The following RIPPLY2 variants were observed in gnomAD, a reference collection of about 807,000 sequenced individuals.
RIPPLY2 encodes the protein ripply transcriptional repressor 2, also known as protein ripply2.
A neutral mutation model predicts 17.7 loss-of-function variants in RIPPLY2; 20 were observed. The ratio of observed to expected loss-of-function variants is 1.13; its 90% confidence interval spans 0.79 to 1.64. The LOEUF is 1.64. RIPPLY2 is among the 40% of genes most tolerant of loss of function. The pLI is 0.00. For missense variants in RIPPLY2, 213 were observed against 169.8 expected (o/e 1.25, Z -1.41); for synonymous variants, 69 against 63.9 (o/e 1.08, Z -0.38).
chr6:83,854,329 G>A, intron 3 of RIPPLY2, 168 bp downstream of exon 3: 1 of 633,566 alleles, frequency 1.6e-6, no homozygotes, highest in Non-Finnish European at 2.8e-6. Flanking sequence ...AAAAAGGTAG[G>A]GGCTCACGGT....
upstream of RIPPLY2, chr6:83,853,258 T>C: frequency 1.6e-6 from 1 of 608,494 alleles, no homozygotes; most frequent in Non-Finnish European, 2.8e-6. Flanking sequence ...CGCAGCCTTT[T>C]TGTTTATGCG....
At chr6:83,855,593 C>G (rs527433471) in intron 3 of RIPPLY2, 1 of 152,206 alleles carries the variant, frequency 6.6e-6, no homozygotes, top group Non-Finnish European at 1.5e-5. Flanking sequence ...GATCATGAGT[C>G]AAGTTTTCCA....
chr6:83,857,269 T>C lies in RIPPLY2; in HGVS notation c.267T>C (p.Tyr89=), dbSNP rs1436881892. The C allele has an allele frequency of 3.9e-6, 6 of 1,523,666 alleles. No homozygotes were observed. The highest frequency in any genetic ancestry group is 5.3e-6 in the Non-Finnish European group (6 of 1,138,714). 94.4% of individuals were successfully genotyped at this position (1,523,666 alleles called of 1,614,324 possible). ...VRLFWPKSKC[Y]DYLYQEAEAL... ...TATTTTGGCCAAAATCAAAATGTTA[T>C]GATTACTTATATCAAGAAGCAGAAG... is the stretch of plus-strand genomic sequence containing the variant. The change falls in exon 4 of 4, where the codon TAT becomes TAC. Residue 89 remains tyrosine, a synonymous_variant. Coordinates refer to ENST00000369689, the MANE Select transcript of RIPPLY2 (RefSeq NM_001009994.3).
chr6:83,853,461 G>A lies in RIPPLY2; in HGVS notation c.45G>A (p.Ala15=), dbSNP rs1226869213. 1.7e-5 allele frequency: 26 copies of A among 1,542,188 alleles called. No homozygotes were observed. Among genetic ancestry groups the A allele is most frequent in the Non-Finnish European group, 2.2e-5 (25 of 1,146,074 alleles). ...GGAEGTESGA[A]ACAATDGPTR... ...CAGAGGGTACAGAGAGTGGAGCTGC[G>A]GCGTGCGCGGCCACCGACGGCCCTA... is the stretch of plus-strand genomic sequence containing the variant. The change falls in exon 1 of 4, where the codon GCG becomes GCA. Residue 15 remains alanine (A), a synonymous_variant. Transcript: ENST00000369689.
Position 83,857,238 on chromosome 6 carries a change from T to C in RIPPLY2, c.240-4T>C. ...AAATAAAACATGTTGTCTGCTTCTTTCAGACTATTTTGGCCAAAATCAAAA... is the reference window on the plus strand; with the variant it reads ...AAATAAAACATGTTGTCTGCTTCTTCCAGACTATTTTGGCCAAAATCAAAA... On this transcript the variant is annotated splice_polypyrimidine_tract_variant and splice_region_variant and intron_variant, in intron 3 of 3. Transcript: ENST00000369689. 2 of 1,483,086 alleles carry C rather than the reference T, an allele frequency of 1.3e-6. No homozygotes were observed. Among genetic ancestry groups the C allele is most frequent in the Non-Finnish European group, 1.8e-6 (2 of 1,115,340 alleles). The allele number at this position is 1,483,086 out of a possible 1,614,324, so 91.9% of individuals were successfully genotyped here.
intron 2 of RIPPLY2, 131 bp from the exon 3 acceptor site, chr6:83,853,966 C>CA (rs1308043981): frequency 7.5e-6 from 8 of 1,064,826 alleles, no homozygotes; most frequent in Non-Finnish European, 1.1e-5. Flanking sequence ...CACAGGCACC[C>CA]AGCCGGGAGC....
At position 83,853,676 on chromosome 6, in the gene RIPPLY2, G is replaced by C; in HGVS notation, c.96-19G>C. 1 of 1,610,716 alleles carries C rather than the reference G, an allele frequency of 6.2e-7. No individual in the cohort carries two copies. The highest frequency in any genetic ancestry group is 8.5e-7 in the Non-Finnish European group (1 of 1,178,444). ...GGCTCACGTCTCCTCTGCGCGCCTTGTGCTCCCCTATCCCGCAGATACGCA... is the reference window on the plus strand; with the variant it reads ...GGCTCACGTCTCCTCTGCGCGCCTTCTGCTCCCCTATCCCGCAGATACGCA... On this transcript the variant is annotated intron_variant, in intron 1 of 3. Transcript: ENST00000369689.
chr6:83,856,590 G>A (rs2099455029), intron 3 of RIPPLY2: 1 of 152,116 alleles, frequency 6.6e-6, no homozygotes, highest in Non-Finnish European at 1.5e-5. Context: ...CATTTCATAT[G>A]ATATTCACAA....
At chr6:83,856,999 T>C (rs1288940212) in intron 3 of RIPPLY2, 3 of 224,258 alleles carry the variant, frequency 1.3e-5, no homozygotes, top group African/African-American at 6.8e-5. Flanking sequence ...GGGTTTAGTG[T>C]AAATTTGTTT....
rs748712985 is a variant in RIPPLY2, at chr6:83,854,179, C to G, written c.239+18C>G. The G allele has an allele frequency of 1.7e-5, 28 of 1,608,026 alleles. No individual in the cohort carries two copies. The highest frequency in any genetic ancestry group is 2.3e-5 in the Non-Finnish European group (27 of 1,174,718). On this transcript the variant is annotated intron_variant, in intron 3 of 3. Transcript: ENST00000369689. ...CCAGTCAGGTGAGTGACAGGCCTCGCCGAAGGTCTCCCGCTCCTCCAGCCC... is the reference window on the plus strand; with the variant it reads ...CCAGTCAGGTGAGTGACAGGCCTCGGCGAAGGTCTCCCGCTCCTCCAGCCC...
intron 3 of RIPPLY2, 153 bp from the exon 4 acceptor site, chr6:83,857,089 T>C (rs1270390514): frequency 7.0e-6 from 3 of 429,170 alleles, no homozygotes; most frequent in African/African-American, 6.1e-5. Context: ...CCATGAAGGC[T>C]GTGATAGTAG....
rs941975595 is a variant in RIPPLY2, at chr6:83,853,675, T to G, written c.96-20T>G. ...GGGCTCACGTCTCCTCTGCGCGCCT[T>G]GTGCTCCCCTATCCCGCAGATACGC... On this transcript the variant is annotated intron_variant, in intron 1 of 3. Coordinates refer to ENST00000369689, the MANE Select transcript of RIPPLY2 (RefSeq NM_001009994.3). 2 of 1,609,114 alleles carry G rather than the reference T, an allele frequency of 1.2e-6. No individual in the cohort carries two copies. The highest frequency in any genetic ancestry group is 1.7e-6 in the Non-Finnish European group (2 of 1,177,698).
At chr6:83,855,347 A>G (rs975217356) in intron 3 of RIPPLY2, 1 of 152,190 alleles carries the variant, frequency 6.6e-6, no homozygotes, top group African/African-American at 2.4e-5. Flanking sequence ...AAGTTCTGCA[A>G]TTTTTCAGGT....
intron 3 of RIPPLY2, chr6:83,856,715 A>G (rs2099455042): frequency 6.6e-6 from 1 of 152,172 alleles, no homozygotes; most frequent in Admixed American, 6.5e-5. Flanking sequence ...ACTGGTTTTT[A>G]TACATTTTTA....
intron 3 of RIPPLY2, chr6:83,856,968 C>T (rs2099455084): frequency 5.5e-6 from 1 of 180,840 alleles, no homozygotes; most frequent in Non-Finnish European, 1.1e-5. Context: ...GTAAGGTAAA[C>T]ATTGATCTTA....
chr6:83,853,574 C>G (rs1421482775), intron 1 of RIPPLY2, 63 bp downstream of exon 1: 1 of 1,532,196 alleles, frequency 6.5e-7, no homozygotes. Context: ...CTGCGCCTCC[C>G]CAGCTCCTCC....
intron 3 of RIPPLY2, chr6:83,855,360 G>C (rs1367440990): frequency 6.6e-6 from 1 of 152,158 alleles, no homozygotes; most frequent in African/African-American, 2.4e-5. Flanking sequence ...TTTCAGGTAA[G>C]AAATAATGAT....
In RIPPLY2 at chr6:83,853,711, A is replaced by G. The variant is rs1433415640; in HGVS notation, c.112A>G (p.Arg38Gly). The change falls in exon 2 of 4, where the codon AGA becomes GGA. Residue 38 changes from arginine to glycine, a missense_variant. Transcript: ENST00000369689. Reference protein sequence around the residue: ...GADSGYAGFWRPWVDAGGKKE... With the variant: ...GADSGYAGFWGPWVDAGGKKE... ...ATCCCGCAGATACGCAGGCTTCTGGAGACCCTGGGTGGACGCCGGAGGCAA... is the reference window on the plus strand; with the variant it reads ...ATCCCGCAGATACGCAGGCTTCTGGGGACCCTGGGTGGACGCCGGAGGCAA... 1 of 1,613,624 alleles carries G rather than the reference A, an allele frequency of 6.2e-7. No homozygotes were observed. Among genetic ancestry groups the G allele is most frequent in the Non-Finnish European group, 8.5e-7 (1 of 1,179,910 alleles).
intron 3 of RIPPLY2, chr6:83,855,996 G>T (rs1167603129): frequency 6.6e-6 from 1 of 152,128 alleles, no homozygotes; most frequent in Non-Finnish European, 1.5e-5. Context: ...TTCCAGTTAC[G>T]CATTAGGAAA....
Sources: allele counts gnomAD v4.1 joint callset, GRCh38; gene constraint gnomAD v4.1.1; transcripts MANE v1.5; gene names NCBI Gene and HGNC (gene_info 2026-07-23, HGNC 2026-07-21).